The following ST6GALNAC6 variants were observed in gnomAD, a reference collection of about 807,000 sequenced individuals.
ST6GALNAC6 encodes the protein ST6 N-acetylgalactosaminide alpha-2,6-sialyltransferase 6.
A neutral mutation model predicts 34.3 loss-of-function variants in ST6GALNAC6; 19 were observed. That is an observed-to-expected ratio of 0.55 (90% confidence interval 0.39 to 0.81). The LOEUF is 0.81. ST6GALNAC6 is among the 40% of genes least tolerant of loss of function. The pLI, the probability that ST6GALNAC6 is intolerant of heterozygous loss-of-function variation, is 0.00. For missense variants in ST6GALNAC6, 377 were observed against 467.7 expected, an observed-to-expected ratio of 0.81 and a Z score of 1.79; for synonymous variants, 185 against 182.1, an observed-to-expected ratio of 1.02 and a Z score of -0.13.
upstream of ST6GALNAC6, among the ~76,000 whole-genome samples, chr9:127,906,550 G>A (rs984249016): frequency 2.6e-5 from 4 of 152,176 alleles, no homozygotes; most frequent in East Asian, 1.9e-4. Flanking sequence ...ACAGTTGTCC[G>A]GCTTCAGCTG....
At position 127,895,023 on chromosome 9, in the gene ST6GALNAC6, C is replaced by G. The variant is rs139999970; in HGVS notation, c.118-332G>C. Among the ~76,000 whole-genome samples, 892 of 152,302 alleles carry G rather than the reference C, an allele frequency of 5.9e-3. 6 individuals carry two copies. The highest frequency in any genetic ancestry group is 8.0e-3 in the Non-Finnish European group (545 of 68,034). On this transcript the variant is annotated intron_variant, in intron 3 of 6. Coordinates refer to ENST00000373146, the MANE Select transcript of ST6GALNAC6 (RefSeq NM_013443.5). ...GGACTGGATTGAATATGTCAGGATT[C>G]CCTATAGCTGCTGCTAAGAGGATGT...
At position 127,894,677 on chromosome 9, in the gene ST6GALNAC6, T is replaced by C; in HGVS notation, c.132A>G (p.Ala44=). Residue 44 remains alanine, a synonymous_variant, in exon 4 of 7, where the codon GCA becomes GCG. Transcript: ENST00000373146. ...TGAGGGCAAAGAGGATCACGAACAC[T>C]GCTGACCGCTGCTCCTGGAGAGAGG... ...EMSSNKEQRS[A]VFVILFALIT... is the part of the protein sequence containing the mutation. The C allele has an allele frequency of 6.2e-7, 1 of 1,614,114 alleles. No individual in the cohort carries two copies. Among genetic ancestry groups the C allele is most frequent in the Non-Finnish European group, 8.5e-7 (1 of 1,180,004 alleles).
intron 5 of ST6GALNAC6, among the ~76,000 whole-genome samples, chr9:127,889,629 G>C (rs936947572): frequency 1.3e-5 from 2 of 151,774 alleles, no homozygotes; most frequent in African/African-American, 4.8e-5. Flanking sequence ...ATCTTTACTA[G>C]AGACGGGGTT....
Position 127,890,484 on chromosome 9 carries a change from A to G in ST6GALNAC6, c.704+153T>C, listed in dbSNP as rs1830066392. On this transcript the variant is annotated intron_variant, in intron 5 of 6. Coordinates refer to ENST00000373146, the MANE Select transcript of ST6GALNAC6 (RefSeq NM_013443.5). This position sits in a 1 kb window ranked among gnomAD's most constrained non-coding sequence, Gnocchi z 4.3. ...AAAGGACCCATGTGAACAGCTGGAC[A>G]TGAAGAGAACTCTCCTAGGAGGCCC... Among the ~76,000 whole-genome samples the G allele has an allele frequency of 6.6e-6, 1 of 152,130 alleles. No homozygotes were observed. The highest frequency in any genetic ancestry group is 2.1e-4 in the South Asian group (1 of 4,834).
At chr9:127,894,338 T>C in intron 4 of ST6GALNAC6, among the ~76,000 whole-genome samples, 174 bp downstream of exon 4, 1 of 152,110 alleles carries the variant, frequency 6.6e-6, no homozygotes, top group Admixed American at 6.5e-5. Context: ...TGGAGAGAAC[T>C]GAGGCCCAGA....
At chr9:127,897,360 C>A in intron 2 of ST6GALNAC6, 1 of 986,018 alleles carries the variant, frequency 1.0e-6, no homozygotes, top group East Asian at 1.1e-4. Flanking sequence ...ATTCTCTGAG[C>A]CCTTTGACCT....
In ST6GALNAC6 at chr9:127,891,030, C is replaced by T. The variant is rs1000986608; in HGVS notation, c.311G>A (p.Arg104Gln). 37 of 1,613,716 alleles carry T rather than the reference C, an allele frequency of 2.3e-5. No homozygotes were observed. Among genetic ancestry groups the T allele is most frequent in the Non-Finnish European group, 2.7e-5 (32 of 1,179,970 alleles). Residue 104 changes from arginine (R) to glutamine (Q), a missense_variant, in exon 5 of 7, where the codon CGG becomes CAG. By Grantham distance (43) the Arg-to-Gln change is conservative. Transcript: ENST00000373146. ...GCTGACAATCACACACTGGTGGCAC[C>T]GAGAGGGCAGTGTCTGGTGGATAAG... ...PILGNKTLPS[R>Q]CHQCVIVSSS...
rs61732487 is a variant in ST6GALNAC6 at position 127,890,963 on chromosome 9, G to A, written c.378C>T (p.Ile126=). ...HLLGTKLGPE[I]ERAECTIRMN... is the part of the protein sequence containing the mutation. ...TGCGGATTGTACACTCAGCCCGCTC[G>A]ATCTCAGGGCCCAGCTTGGTGCCCA... Residue 126 remains isoleucine, a synonymous_variant, in exon 5 of 7, where the codon ATC becomes ATT. Coordinates refer to ENST00000373146, the MANE Select transcript of ST6GALNAC6 (RefSeq NM_013443.5). This position sits in a 1 kb window ranked among gnomAD's most constrained non-coding sequence, Gnocchi z 4.3. 370 of 1,614,140 alleles carry A rather than the reference G, an allele frequency of 2.3e-4. 1 individual carries two copies. The African/African-American group carries it at 4.5e-3, about 20-fold the overall frequency.
chr9:127,888,372 C>T (rs1829913974), intron 5 of ST6GALNAC6, among the ~76,000 whole-genome samples: 1 of 151,624 alleles, frequency 6.6e-6, no homozygotes, highest in South Asian at 2.1e-4. Context: ...GGCATGGTGG[C>T]ACGTGCCTGT....
intron 6 of ST6GALNAC6, 21 bp from the exon 7 acceptor site, chr9:127,886,809 G>A (rs753490235): frequency 3.2e-6 from 5 of 1,579,250 alleles, no homozygotes; most frequent in African/African-American, 2.7e-5. Context: ...GCAGACGGGC[G>A]TCATCAGGGC....
intron 4 of ST6GALNAC6, among the ~76,000 whole-genome samples, chr9:127,892,115 C>T (rs1830183222): frequency 6.6e-6 from 1 of 152,164 alleles, no homozygotes; most frequent in African/African-American, 2.4e-5. Flanking sequence ...CGAGCCATTG[C>T]ACTCCAGCCT....
In ST6GALNAC6 at chr9:127,886,223, G is replaced by A. The variant is rs1469511029; in HGVS notation, c.*376C>T. 4 of 373,556 alleles carry A rather than the reference G, an allele frequency of 1.1e-5. No homozygotes were observed. The highest frequency in any genetic ancestry group is 6.2e-5 in the African/African-American group (3 of 48,096). 23.1% of individuals were successfully genotyped at this position (373,556 alleles called of 1,614,324 possible). A position where few individuals can be genotyped will look rare whatever the true frequency, so the allele number is the denominator to read the frequency against. The stretch of plus-strand genomic sequence containing the variant: ...ACCAAGTTCCCAGCTCCTTGGGACA[G>A]GACCCCATTATCCCAGGAGAGTGGG... On this transcript the variant is annotated 3_prime_UTR_variant, in exon 7 of 7. Coordinates refer to ENST00000373146, the MANE Select transcript of ST6GALNAC6 (RefSeq NM_013443.5).
intron 1 of ST6GALNAC6, among the ~76,000 whole-genome samples, chr9:127,898,847 C>A (rs1830622746): frequency 6.6e-6 from 1 of 152,212 alleles, no homozygotes; most frequent in South Asian, 2.1e-4. Flanking sequence ...GGCACAGGCA[C>A]CAGGGCGGGG....
At chr9:127,897,075 G>C in intron 2 of ST6GALNAC6, 4 of 869,416 alleles carry the variant, frequency 4.6e-6, no homozygotes, top group African/African-American at 1.8e-5. Context: ...TGTAATCACA[G>C]TCTCAGGGGG....
chr9:127,886,761 G>A lies in ST6GALNAC6; in HGVS notation c.840C>T (p.Pro280=). 3 of 1,611,572 alleles carry A rather than the reference G, an allele frequency of 1.9e-6. No homozygotes were observed. Among genetic ancestry groups the A allele is most frequent in the East Asian group, 4.5e-5 (2 of 44,876 alleles). The part of the protein sequence containing the change: ...CSQRPRLQRM[P]YHYYEPKGPD... ...GCCCCTTGGGCTCGTAGTAGTGGTA[G>A]GGCATGCGCTGGAGGCGGGGCCGCT... Residue 280 remains proline, a synonymous_variant, in exon 7 of 7, where the codon CCC becomes CCT. Transcript: ENST00000373146.
chr9:127,899,748 C>T, upstream of ST6GALNAC6: 1 of 799,442 alleles, frequency 1.3e-6, no homozygotes. Context: ...ACCCGGGTGC[C>T]GCCGCCTGGT....
In ST6GALNAC6 at chr9:127,891,414, G is replaced by A. The variant is rs142767967; in HGVS notation, c.298-371C>T. On this transcript the variant is annotated intron_variant, in intron 4 of 6. Transcript: ENST00000373146. ...GCGGATCACCTGAGGTCAGAAGTTC[G>A]AGACCAGCCTGGCCAATATGGTGAA... is the stretch of plus-strand genomic sequence containing the variant. Among the ~76,000 whole-genome samples the A allele has an allele frequency of 3.0e-3, 451 of 151,966 alleles. 9 individuals are homozygous for A. The East Asian group carries it at 0.069, about 23-fold the overall frequency.
At chr9:127,897,096 G>A in intron 2 of ST6GALNAC6, 2 of 906,936 alleles carry the variant, frequency 2.2e-6, no homozygotes, top group East Asian at 1.2e-4. Flanking sequence ...TGGCTGGGGG[G>A]GCCTTTGGAA....
chr9:127,900,540 A>T (rs1334504978), upstream of ST6GALNAC6, among the ~76,000 whole-genome samples: 1 of 140,820 alleles, frequency 7.1e-6, no homozygotes, highest in Non-Finnish European at 1.5e-5. Flanking sequence ...AGCCTGGGCA[A>T]CAAGAGCGAA....
Sources: allele counts gnomAD v4.1 joint callset (sites outside exome capture counted in the v4.1 genomes callset), GRCh38; gene constraint gnomAD v4.1.1; non-coding constraint Gnocchi (gnomAD v3.1); transcripts MANE v1.5; gene names NCBI Gene and HGNC (gene_info 2026-07-23, HGNC 2026-07-21).